Variants in EVC2 observed in about 807,000 individuals in gnomAD.
The protein encoded by EVC2 is limbin.
Under a neutral mutation model 149.3 loss-of-function variants are expected in EVC2, and 148 were observed. The ratio of observed to expected loss-of-function variants is 0.99; its 90% confidence interval spans 0.87 to 1.14. The LOEUF is 1.14. Ranked by LOEUF, EVC2 falls within the 50% of genes most tolerant of loss-of-function variation. The probability of loss-of-function intolerance (pLI) is 0.00; values close to 1 mark genes in which losing one functional copy is unlikely to be tolerated. For missense variants in EVC2, 1,854 were observed against 1,627.3 expected, an observed-to-expected ratio of 1.14 and a Z score of -2.40; for synonymous variants, 776 against 649.9, an observed-to-expected ratio of 1.19 and a Z score of -2.95.
chr4:5,572,691 G>A (rs182152623), intron 19 of EVC2, among the ~76,000 whole-genome samples: 71 of 152,320 alleles, frequency 4.7e-4, no homozygotes, highest in African/African-American at 1.6e-3. Flanking sequence ...AACAGACTGA[G>A]ATGCATACAG....
At chr4:5,606,978 G>A (rs1419497041) in intron 16 of EVC2, among the ~76,000 whole-genome samples, 5 of 152,198 alleles carry the variant, frequency 3.3e-5, no homozygotes, top group Middle Eastern at 3.2e-3. Context: ...TCCCAGGATA[G>A]CATACAGAAG....
intron 16 of EVC2, among the ~76,000 whole-genome samples, chr4:5,591,177 C>T (rs1712761069): frequency 6.6e-6 from 1 of 152,186 alleles, no homozygotes; most frequent in African/African-American, 2.4e-5. Flanking sequence ...CATGACTCCT[C>T]CTATAGCTTA....
Position 5,631,607 on chromosome 4 carries a change from T to C in EVC2, c.1710+186A>G, listed in dbSNP as rs1716540503. Among the ~76,000 whole-genome samples, 4 of 151,300 alleles carry C rather than the reference T, an allele frequency of 2.6e-5. No homozygotes were observed. The South Asian group carries it at 8.5e-4, about 32-fold the overall frequency. ...AAATTCCAATCCAGGTCAGCCCGAG[T>C]TCAAGGCCTGTACTCCAAGCCACCA... On this transcript the variant is annotated intron_variant, in intron 11 of 21. Coordinates refer to ENST00000344408, the MANE Select transcript of EVC2 (RefSeq NM_147127.5).
At chr4:5,700,689 T>C (rs942042134) in intron 1 of EVC2, among the ~76,000 whole-genome samples, 33 of 152,116 alleles carry the variant, frequency 2.2e-4, no homozygotes, top group Non-Finnish European at 1.3e-4. Context: ...GAGGTACCTC[T>C]CTGGGGACTC....
At chr4:5,534,099 A>G in the EVC2 span, among the ~76,000 whole-genome samples, 7 of 151,766 alleles carry the variant, frequency 4.6e-5, no homozygotes, top group African/African-American at 1.5e-4. Context: ...AGTGATTTAC[A>G]TTTTTAAAAA....
Position 5,568,510 on chromosome 4 carries a change from T to C in EVC2, c.3491A>G (p.Glu1164Gly). 6.3e-7 allele frequency: 1 copy of C among 1,589,644 alleles called. No homozygotes were observed. Among genetic ancestry groups the C allele is most frequent in the Non-Finnish European group, 8.5e-7 (1 of 1,174,390 alleles). The change falls in exon 20 of 22, where the codon GAG becomes GGG. Residue 1164 changes from glutamate to glycine, a missense_variant. Physicochemically the swap from Glu to Gly is moderately conservative, Grantham distance 98. Coordinates refer to ENST00000344408, the MANE Select transcript of EVC2 (RefSeq NM_147127.5). ...CTCAGCTGCGTGGTCCACATGTCTC[T>C]CGGTGGCCGAATCCAGCAGGGCCAG... The part of the protein sequence containing the change: ...QLLALLDSAT[E>G]RHVDHAAESD...
intron 1 of EVC2, among the ~76,000 whole-genome samples, chr4:5,697,998 G>A (rs1721592401): frequency 1.3e-5 from 2 of 152,076 alleles, no homozygotes; most frequent in African/African-American, 4.8e-5. Context: ...TGATCCGCCT[G>A]CCTCAGCCTC....
At chr4:5,609,612 A>T (rs541631399) in intron 16 of EVC2, among the ~76,000 whole-genome samples, 1 of 152,316 alleles carries the variant, frequency 6.6e-6, no homozygotes, top group Admixed American at 6.5e-5. Flanking sequence ...AGCCCACTCC[A>T]AAGTTAAAAG....
rs1286635538 is a variant in EVC2, at chr4:5,618,344, T to C, written c.2706+134A>G. The C allele has an allele frequency of 2.0e-6, 2 of 989,392 alleles. No individual in the cohort carries two copies. Among genetic ancestry groups the C allele is most frequent in the East Asian group, 2.6e-5 (1 of 38,884 alleles). 61.3% of individuals were successfully genotyped at this position (989,392 alleles called of 1,614,324 possible). On this transcript the variant is annotated intron_variant, in intron 15 of 21. Coordinates refer to ENST00000344408, the MANE Select transcript of EVC2 (RefSeq NM_147127.5). This position sits in a 1 kb window ranked among gnomAD's most constrained non-coding sequence, Gnocchi z 4.4. ...GATTCCTGGAATAGCTGGACACCAA[T>C]GCAGCCAGAGAGGAGAGGATAGGGG...
chr4:5,673,828 G>A (rs974910987), intron 7 of EVC2, among the ~76,000 whole-genome samples: 2 of 152,208 alleles, frequency 1.3e-5, no homozygotes, highest in South Asian at 4.1e-4. Context: ...CAGTCTTGTG[G>A]ATGGCGAGAT....
In EVC2 at chr4:5,562,514, T is replaced by A; in HGVS notation, c.*334A>T. 2.5e-6 allele frequency: 3 copies of A among 1,176,730 alleles called. No individual in the cohort carries two copies. Among genetic ancestry groups the A allele is most frequent in the Non-Finnish European group, 3.2e-6 (3 of 948,524 alleles). 72.9% of individuals were successfully genotyped at this position (1,176,730 alleles called of 1,614,324 possible). A position where few individuals can be genotyped will look rare whatever the true frequency, so the allele number is the denominator to read the frequency against. ...ATGTAACAAATACAAAACATAAGAG[T>A]AGAGAATCTGGCTGTCACCACACAG... On this transcript the variant is annotated 3_prime_UTR_variant, in exon 22 of 22. Coordinates refer to ENST00000344408, the MANE Select transcript of EVC2 (RefSeq NM_147127.5). The surrounding 1 kb of genome is among the most constrained non-coding windows in gnomAD (Gnocchi z 4.3).
chr4:5,649,860 T>C (rs1717985044), intron 9 of EVC2, among the ~76,000 whole-genome samples: 1 of 144,496 alleles, frequency 6.9e-6, no homozygotes, highest in Non-Finnish European at 1.5e-5. Flanking sequence ...TTATAAACTA[T>C]CCATTTGAAG....
chr4:5,599,741 T>C (rs984451978), intron 16 of EVC2, among the ~76,000 whole-genome samples: 1 of 152,168 alleles, frequency 6.6e-6, no homozygotes, highest in South Asian at 2.1e-4. Context: ...TAAAAGAAGA[T>C]TCCCATTCTA....
chr4:5,621,934 G>C (rs1231861409), intron 14 of EVC2, among the ~76,000 whole-genome samples: 1 of 152,166 alleles, frequency 6.6e-6, no homozygotes, highest in Non-Finnish European at 1.5e-5. Context: ...ATCCTACTCA[G>C]AAGTGGAAGT....
intron 6 of EVC2, among the ~76,000 whole-genome samples, chr4:5,683,834 A>AT (rs1218519220): frequency 1.3e-5 from 2 of 148,756 alleles, no homozygotes; most frequent in East Asian, 3.9e-4. Context: ...ACAGCTGCCC[A>AT]GGAACACACA....
At chr4:5,628,105 G>A (rs1037289828) in intron 12 of EVC2, among the ~76,000 whole-genome samples, 1 of 150,748 alleles carries the variant, frequency 6.6e-6, no homozygotes, top group African/African-American at 2.5e-5. Flanking sequence ...TAATAAGTGA[G>A]GAGCAGTCAG....
chr4:5,546,987 C>A (rs1329829984), intron 21 of EVC2, among the ~76,000 whole-genome samples: 1 of 152,192 alleles, frequency 6.6e-6, no homozygotes, highest in Non-Finnish European at 1.5e-5. Context: ...ATGGAGCAGG[C>A]AGGAGCCCCA....
At position 5,569,185 on chromosome 4, in the gene EVC2, C is replaced by G. The variant is rs1722499536; in HGVS notation, c.3361-545G>C. 2.0e-5 allele frequency among the ~76,000 whole-genome samples: 3 copies of G among 152,190 alleles called. No individual in the cohort carries two copies. Among genetic ancestry groups the G allele is most frequent in the Admixed American group, 2.0e-4 (3 of 15,282 alleles). Reference sequence around the variant, plus strand: ...TGCGTGATTCCATGCATGTAACCACCTGGGCGTGATGAGACTTGGAACTGG... The same window carrying G: ...TGCGTGATTCCATGCATGTAACCACGTGGGCGTGATGAGACTTGGAACTGG... On this transcript the variant is annotated intron_variant, in intron 19 of 21. Transcript: ENST00000344408. The surrounding 1 kb of genome is among the most constrained non-coding windows in gnomAD (Gnocchi z 4.8).
intron 16 of EVC2, among the ~76,000 whole-genome samples, chr4:5,590,084 G>A (rs1271928248): frequency 6.6e-6 from 1 of 152,116 alleles, no homozygotes; most frequent in Non-Finnish European, 1.5e-5. Context: ...CAGAGGCACT[G>A]AGGCAGGGGG....
Sources: allele counts gnomAD v4.1 joint callset (sites outside exome capture counted in the v4.1 genomes callset), GRCh38; gene constraint gnomAD v4.1.1; non-coding constraint Gnocchi (gnomAD v3.1); transcripts MANE v1.5; gene names NCBI Gene and HGNC (gene_info 2026-07-23, HGNC 2026-07-21).